Variants in MYH10 observed in about 807,000 individuals in gnomAD.
The protein encoded by MYH10 is myosin-10.
A neutral mutation model predicts 257.8 loss-of-function variants in MYH10; 55 were observed. The observed-to-expected ratio is 0.21, with a 90% CI of 0.17 to 0.27. The LOEUF is 0.27. MYH10 is among the 10% of genes least tolerant of loss of function. MYH10 has a pLI of 1.00. For missense variants in MYH10, 1,631 were observed against 2,500.6 expected (o/e 0.65, Z 7.42); for synonymous variants, 854 against 921.7 (o/e 0.93, Z 1.33).
intron 1 of MYH10, among the ~76,000 whole-genome samples, chr17:8,628,467 TAGAA>T (rs1393837409): frequency 6.6e-6 from 1 of 152,160 alleles, no homozygotes; most frequent in South Asian, 2.1e-4. Context: ...GGCCTGCACA[TAGAA>T]AGGCAAACAA....
intron 37 of MYH10, 24 bp downstream of exon 37, chr17:8,484,114 C>A (rs1914346601): frequency 8.9e-7 from 1 of 1,126,150 alleles, no homozygotes; most frequent in Non-Finnish European, 1.2e-6. Context: ...ATTTGTTGAA[C>A]AAATGGATAA....
intron 5 of MYH10, 105 bp from the exon 6 acceptor site, chr17:8,576,777 G>A (rs1423740589): frequency 9.0e-7 from 1 of 1,105,744 alleles, no homozygotes; most frequent in Non-Finnish European, 1.3e-6. Context: ...GAGAACTGTG[G>A]AAGCTGGGTT....
At chr17:8,526,046 C>A (rs1174073928) in intron 17 of MYH10, among the ~76,000 whole-genome samples, 2 of 152,216 alleles carry the variant, frequency 1.3e-5, no homozygotes. Flanking sequence ...CCGCCTTGGC[C>A]TCTCAAAGTG....
At chr17:8,626,303 C>T (rs2085671257) in intron 1 of MYH10, among the ~76,000 whole-genome samples, 1 of 152,058 alleles carries the variant, frequency 6.6e-6, no homozygotes, top group African/African-American at 2.4e-5. Flanking sequence ...GGGTGGCTCA[C>T]GCCTGTAATC....
intron 23 of MYH10, 28 bp from the exon 24 acceptor site, chr17:8,512,685 T>C (rs753561510): frequency 2.5e-6 from 4 of 1,593,596 alleles, no homozygotes; most frequent in Non-Finnish European, 3.4e-6. Flanking sequence ...TGTCTGTGAT[T>C]TGCCCCTATT....
intron 7 of MYH10, among the ~76,000 whole-genome samples, chr17:8,567,364 C>T (rs1238586934): frequency 6.6e-6 from 1 of 152,164 alleles, no homozygotes; most frequent in African/African-American, 2.4e-5. Context: ...AGTGAATCTT[C>T]AAATTTTATC....
At chr17:8,531,026 GT>G (rs1200798038) in intron 16 of MYH10, among the ~76,000 whole-genome samples, 1 of 152,084 alleles carries the variant, frequency 6.6e-6, no homozygotes. Flanking sequence ...ATATCTTATC[GT>G]TAGTAGCTTA....
At position 8,484,291 on chromosome 17, in the gene MYH10, G is replaced by A. The variant is rs759178295; in HGVS notation, c.5047-25C>T. The A allele has an allele frequency of 4.4e-6, 7 of 1,592,016 alleles. 1 individual carries two copies. In the South Asian group the frequency reaches 8.1e-5, roughly 18 times the overall value. ...CCTAAGATTAAATAAGAAGGTTTTGGGGTGGTTTACATTCTTAGTTTTAGT... is the reference window on the plus strand; with the variant it reads ...CCTAAGATTAAATAAGAAGGTTTTGAGGTGGTTTACATTCTTAGTTTTAGT... On this transcript the variant is annotated intron_variant, in intron 36 of 42. Coordinates refer to ENST00000360416, the MANE Select transcript of MYH10 (RefSeq NM_001256012.3).
chr17:8,476,078 G>C, intron 42 of MYH10, 130 bp from the exon 43 acceptor site: 2 of 1,076,942 alleles, frequency 1.9e-6, no homozygotes. Context: ...CCTTGTGGGG[G>C]TGGCGGTACG....
intron 35 of MYH10, among the ~76,000 whole-genome samples, chr17:8,488,362 G>C (rs1915222375): frequency 6.6e-6 from 1 of 152,178 alleles, no homozygotes; most frequent in South Asian, 2.1e-4. Context: ...ACCAGACACA[G>C]AGCTGTTGAG....
At chr17:8,553,766 G>C (rs1305959545) in intron 8 of MYH10, among the ~76,000 whole-genome samples, 189 bp downstream of exon 8, 1 of 152,148 alleles carries the variant, frequency 6.6e-6, no homozygotes, top group Non-Finnish European at 1.5e-5. Flanking sequence ...TTATGGCCTG[G>C]TTTTACAAAC....
rs2082122097 is a variant in MYH10 at position 8,535,687 on chromosome 17, C to T, written c.1779+71G>A. On this transcript the variant is annotated intron_variant, in intron 15 of 42. Coordinates refer to ENST00000360416, the MANE Select transcript of MYH10 (RefSeq NM_001256012.3). The surrounding 1 kb of genome is among the most constrained non-coding windows in gnomAD (Gnocchi z 4.3). ...AATGTTTATCAGCACCTTTGTTACA[C>T]CTTCATAAAAATGTAGCAAAATTTC... 6.8e-7 allele frequency: 1 copy of T among 1,467,938 alleles called. No homozygotes were observed. Among genetic ancestry groups the T allele is most frequent in the South Asian group, 1.2e-5 (1 of 82,002 alleles). The allele number at this position is 1,467,938 out of a possible 1,614,324, so 90.9% of individuals were successfully genotyped here. A position where few individuals can be genotyped will look rare whatever the true frequency, so the allele number is the denominator to read the frequency against.
At chr17:8,539,376 A>G (rs1441428537) in intron 14 of MYH10, among the ~76,000 whole-genome samples, 3 of 152,052 alleles carry the variant, frequency 2.0e-5, no homozygotes, top group Admixed American at 6.5e-5. Context: ...CTTCCACAAC[A>G]CTGCCAGCCT....
At chr17:8,615,581 C>T (rs72846924) in intron 2 of MYH10, among the ~76,000 whole-genome samples, 5 of 152,312 alleles carry the variant, frequency 3.3e-5, no homozygotes, top group South Asian at 2.1e-4. Context: ...AGGAATCTCA[C>T]TCTCTCTTTG....
Position 8,506,811 on chromosome 17 carries a change from C to A in MYH10, c.3215-322G>T, listed in dbSNP as rs1237932348. ...TCTCATGTCAAACACATCACTGTAC[C>A]CAGGTTTGCAAAGTGGCTCAGCAGG... On this transcript the variant is annotated intron_variant, in intron 26 of 42. Transcript: ENST00000360416. This position sits in a 1 kb window ranked among gnomAD's most constrained non-coding sequence, Gnocchi z 5.0. 6.6e-6 allele frequency among the ~76,000 whole-genome samples: 1 copy of A among 152,136 alleles called. No individual in the cohort carries two copies. The highest frequency in any genetic ancestry group is 2.4e-5 in the African/African-American group (1 of 41,422).
At chr17:8,544,281 T>TC (rs754102871) in intron 13 of MYH10, among the ~76,000 whole-genome samples, 2 of 152,232 alleles carry the variant, frequency 1.3e-5, no homozygotes, top group Non-Finnish European at 2.9e-5. Context: ...CCTCACTTGT[T>TC]CAAGTCTTCT....
intron 19 of MYH10, 137 bp downstream of exon 19, chr17:8,520,741 C>A: frequency 3.3e-6 from 3 of 921,294 alleles, no homozygotes; most frequent in Non-Finnish European, 4.7e-6. Flanking sequence ...TTTTCCAGAA[C>A]CTCACTATAT....
At chr17:8,596,299 T>A (rs2084369299) in intron 3 of MYH10, among the ~76,000 whole-genome samples, 1 of 151,940 alleles carries the variant, frequency 6.6e-6, no homozygotes, top group Non-Finnish European at 1.5e-5. Flanking sequence ...ATTACAGGCA[T>A]GAGTTACCAC....
intron 30 of MYH10, among the ~76,000 whole-genome samples, chr17:8,498,247 T>C (rs1000270330): frequency 6.6e-6 from 1 of 151,770 alleles, no homozygotes; most frequent in Non-Finnish European, 1.5e-5. Context: ...CAGCCTCCCA[T>C]AGTGCTGGGA....
Sources: allele counts gnomAD v4.1 joint callset (sites outside exome capture counted in the v4.1 genomes callset), GRCh38; gene constraint gnomAD v4.1.1; non-coding constraint Gnocchi (gnomAD v3.1); transcripts MANE v1.5; gene names NCBI Gene and HGNC (gene_info 2026-07-23, HGNC 2026-07-21).